The following HEATR5A variants were observed in gnomAD, a reference collection of about 807,000 sequenced individuals.
HEATR5A encodes the protein HEAT repeat containing 5A.
Under a neutral mutation model 218.8 loss-of-function variants are expected in HEATR5A, and 178 were observed. That is an observed-to-expected ratio of 0.81 (90% CI 0.72 to 0.92). The LOEUF is 0.92. HEATR5A is among the 40% of genes least tolerant of loss of function. HEATR5A has a pLI of 0.00. For missense variants in HEATR5A, 2,420 were observed against 2,418.9 expected, an observed-to-expected ratio of 1.00 and a Z score of -0.01; for synonymous variants, 864 against 871.6, an observed-to-expected ratio of 0.99 and a Z score of 0.15.
At position 31,395,284 on chromosome 14, in the gene HEATR5A, G is replaced by A; in HGVS notation, c.512C>T (p.Ala171Val). The change falls in exon 5 of 36, where the codon GCT becomes GTT. Residue 171 changes from alanine to valine, a missense_variant. Transcript: ENST00000543095. ...QNILNGLGAA[A>V]APCHRDVYKA... ...ATAAACATCCCTGTGACAAGGTGCA[G>A]CGGCAGCTCCTAGTCCATTCAATAT... The A allele has an allele frequency of 6.5e-7, 1 of 1,530,876 alleles. No homozygotes were observed. The highest frequency in any genetic ancestry group is 1.4e-5 in the African/African-American group (1 of 73,076). The allele number at this position is 1,530,876 out of a possible 1,614,324, so 94.8% of individuals were successfully genotyped here. A position where few individuals can be genotyped will look rare whatever the true frequency, so the allele number is the denominator to read the frequency against.
At chr14:31,383,417 G>C in intron 10 of HEATR5A, 104 bp downstream of exon 10, 1 of 1,092,698 alleles carries the variant, frequency 9.2e-7, no homozygotes, top group Non-Finnish European at 1.3e-6. Context: ...GGCAGGGCTA[G>C]ATGTACAGCA....
chr14:31,373,298 A>G (rs1476306651), intron 12 of HEATR5A, among the ~76,000 whole-genome samples: 1 of 151,522 alleles, frequency 6.6e-6, no homozygotes, highest in Non-Finnish European at 1.5e-5. Flanking sequence ...ATGTCTTTCC[A>G]GGGATCTCAC....
Position 31,305,194 on chromosome 14 carries a change from T to G in HEATR5A, c.4967-17A>C. ...CATCATCAACTAAAAGAAAGAATAG[T>G]GTTTAATACTTTGTGCTTGCTCTGC... On this transcript the variant is annotated splice_polypyrimidine_tract_variant and intron_variant, in intron 31 of 35. Transcript: ENST00000543095. 1.2e-6 allele frequency: 2 copies of G among 1,605,328 alleles called. No individual in the cohort carries two copies. Among genetic ancestry groups the G allele is most frequent in the Non-Finnish European group, 1.7e-6 (2 of 1,178,130 alleles).
At chr14:31,396,612 T>C (rs2030663809) in intron 4 of HEATR5A, among the ~76,000 whole-genome samples, 1 of 152,344 alleles carries the variant, frequency 6.6e-6, no homozygotes, top group African/African-American at 2.4e-5. Flanking sequence ...ATTGTTAATT[T>C]ATCTTTGTTT....
intron 30 of HEATR5A, 119 bp from the exon 31 acceptor site, chr14:31,306,998 A>C: frequency 2.5e-6 from 2 of 795,748 alleles, no homozygotes; most frequent in Non-Finnish European, 3.8e-6. Context: ...AAATTGCTTT[A>C]GTGCAATAAA....
chr14:31,399,270 T>C (rs1332672210), intron 3 of HEATR5A, among the ~76,000 whole-genome samples: 2 of 152,188 alleles, frequency 1.3e-5, no homozygotes, highest in African/African-American at 4.8e-5. Flanking sequence ...CTTAGGTGAA[T>C]ATGATTATAC....
intron 1 of HEATR5A, among the ~76,000 whole-genome samples, chr14:31,418,957 ATTC>A (rs1161956276): frequency 6.6e-6 from 1 of 152,198 alleles, no homozygotes; most frequent in African/African-American, 2.4e-5. Context: ...TAGATAATAT[ATTC>A]ATTAGTTTAA....
chr14:31,398,077 T>C (rs571148116), intron 4 of HEATR5A, among the ~76,000 whole-genome samples: 319 of 152,336 alleles, frequency 2.1e-3, no homozygotes, highest in Middle Eastern at 3.4e-3. Context: ...CAAGAGATTA[T>C]AGTATCTTAA....
At position 31,402,857 on chromosome 14, in the gene HEATR5A, G is replaced by A. The variant is rs1292071379; in HGVS notation, c.119C>T (p.Thr40Ile). Residue 40 changes from threonine (T) to isoleucine (I), a missense_variant, in exon 2 of 36, where the codon ACC (threonine) becomes ATC (isoleucine). Thr to Ile is a moderately conservative substitution (Grantham distance 89, BLOSUM62 -1). Coordinates refer to ENST00000543095, the MANE Select transcript of HEATR5A (RefSeq NM_015473.4). ...TGTTGTCATTTTACCCACCCTGCTG[G>A]TTGCCAACAAGAGCTTCTCCAAGTA... ...LRYLEKLLLA[T>I]SRNDVREKQK... The A allele has an allele frequency of 1.3e-6, 2 of 1,536,514 alleles. No individual in the cohort carries two copies. Among genetic ancestry groups the A allele is most frequent in the Admixed American group, 3.9e-5 (2 of 50,988 alleles).
Position 31,419,580 on chromosome 14 carries a change from A to C in HEATR5A, c.-75+892T>G, listed in dbSNP as rs58506726. On this transcript the variant is annotated intron_variant, in intron 1 of 35. Coordinates refer to ENST00000543095, the MANE Select transcript of HEATR5A (RefSeq NM_015473.4). ...AAATTCCTTAAGGGCGCCTAGCCCC[A>C]AAAAAGTGCTGCATATTTGTTCAAT... is the stretch of plus-strand genomic sequence containing the variant. Among the ~76,000 whole-genome samples, 354 of 152,306 alleles carry C rather than the reference A, an allele frequency of 2.3e-3. 2 individuals are homozygous for C. Among genetic ancestry groups the C allele is most frequent in the African/African-American group, 7.5e-3 (313 of 41,554 alleles).
chr14:31,352,569 A>T (rs1901270441), intron 16 of HEATR5A, among the ~76,000 whole-genome samples: 1 of 152,190 alleles, frequency 6.6e-6, no homozygotes, highest in Non-Finnish European at 1.5e-5. Flanking sequence ...AAAAAACCTA[A>T]CTGTACAAGG....
intron 25 of HEATR5A, among the ~76,000 whole-genome samples, chr14:31,320,031 C>G (rs1030277234): frequency 6.6e-6 from 1 of 152,030 alleles, no homozygotes; most frequent in Non-Finnish European, 1.5e-5. Context: ...ACAAACCCCA[C>G]AGAAATCTGA....
chr14:31,359,160 T>A, intron 14 of HEATR5A, 103 bp from the exon 15 acceptor site: 2 of 1,086,196 alleles, frequency 1.8e-6, no homozygotes, highest in East Asian at 4.9e-5. Context: ...TGGCCAACTT[T>A]AACATATCAC....
intron 16 of HEATR5A, among the ~76,000 whole-genome samples, chr14:31,356,270 T>G (rs781320464): frequency 2.9e-4 from 44 of 152,318 alleles, no homozygotes; most frequent in Admixed American, 9.8e-4. Flanking sequence ...AGTGTCTTGC[T>G]CTGTTGCTAA....
At chr14:31,376,701 G>A (rs1266214603) in intron 11 of HEATR5A, among the ~76,000 whole-genome samples, 3 of 152,094 alleles carry the variant, frequency 2.0e-5, no homozygotes, top group Non-Finnish European at 4.4e-5. Flanking sequence ...GAATGAACAT[G>A]TTTTGTGTTT....
At chr14:31,305,737 C>A (rs1019268552) in intron 31 of HEATR5A, among the ~76,000 whole-genome samples, 3 of 152,182 alleles carry the variant, frequency 2.0e-5, no homozygotes. Flanking sequence ...GCTGTTAAGA[C>A]TGTAAACCTG....
chr14:31,344,368 T>C (rs1342232306), intron 20 of HEATR5A, among the ~76,000 whole-genome samples: 1 of 142,220 alleles, frequency 7.0e-6, no homozygotes, highest in Non-Finnish European at 1.5e-5. Flanking sequence ...ACCCCCGGCT[T>C]CCGGGTTCAA....
intron 22 of HEATR5A, 132 bp downstream of exon 22, chr14:31,337,344 G>T (rs2139194269): frequency 4.1e-6 from 3 of 729,766 alleles, no homozygotes; most frequent in Non-Finnish European, 4.4e-6. Context: ...TGGAATAACT[G>T]TTAGCAATTC....
At chr14:31,381,090 T>C (rs1415768342) in intron 10 of HEATR5A, among the ~76,000 whole-genome samples, 1 of 151,680 alleles carries the variant, frequency 6.6e-6, no homozygotes, top group African/African-American at 2.4e-5. Context: ...CTACTAAAAA[T>C]ACAAAAAATT....
Sources: allele counts gnomAD v4.1 joint callset (sites outside exome capture counted in the v4.1 genomes callset), GRCh38; gene constraint gnomAD v4.1.1; transcripts MANE v1.5; gene names NCBI Gene and HGNC (gene_info 2026-07-23, HGNC 2026-07-21).